OXSR1: variants seen among roughly 807,000 people sequenced by gnomAD.
OXSR1 encodes oxidative stress responsive kinase 1.
Under a neutral mutation model 79.8 loss-of-function variants are expected in OXSR1, and 24 were observed. That is an observed-to-expected ratio of 0.30 (90% CI 0.22 to 0.42). The LOEUF (loss-of-function observed/expected upper bound fraction) is 0.42, where lower values mean the gene tolerates loss of function less well. Ranked by LOEUF, OXSR1 falls within the 10% of genes least tolerant of loss-of-function variation. The pLI, the probability that OXSR1 is intolerant of heterozygous loss-of-function variation, is 1.00. For synonymous variants in OXSR1, 226 were observed against 209.2 expected (o/e 1.08, Z -0.69); for missense variants, 430 against 618.4 (o/e 0.70, Z 3.23).
chr3:38,245,753 T>C (rs1703127885), intron 12 of OXSR1, among the ~76,000 whole-genome samples: 1 of 152,154 alleles, frequency 6.6e-6, no homozygotes, highest in African/African-American at 2.4e-5. Flanking sequence ...GAGAGGACTT[T>C]TTGGGGGTGA....
At chr3:38,177,619 C>T (rs1229192703) in intron 1 of OXSR1, among the ~76,000 whole-genome samples, 1 of 152,090 alleles carries the variant, frequency 6.6e-6, no homozygotes, top group Non-Finnish European at 1.5e-5. Flanking sequence ...AGGTCTCACT[C>T]TTTCACCCAG....
Position 38,250,031 on chromosome 3 carries a change from A to C in OXSR1, c.1375+13A>C. ...ACTCCTGGGAGAGGTGAGGCATCAAATGGATTGAAAACAAAATAGCTTCCA... is the reference window on the plus strand; with the variant it reads ...ACTCCTGGGAGAGGTGAGGCATCAACTGGATTGAAAACAAAATAGCTTCCA... On this transcript the variant is annotated intron_variant, in intron 15 of 17. Coordinates refer to ENST00000311806, the MANE Select transcript of OXSR1 (RefSeq NM_005109.3). 6.5e-7 allele frequency: 1 copy of C among 1,536,582 alleles called. No homozygotes were observed. The highest frequency in any genetic ancestry group is 9.0e-7 in the Non-Finnish European group (1 of 1,111,214).
intron 16 of OXSR1, 142 bp downstream of exon 16, chr3:38,251,613 G>T: frequency 1.5e-6 from 1 of 682,024 alleles, no homozygotes; most frequent in East Asian, 2.6e-5. Flanking sequence ...ATAGGTAATG[G>T]GACAGTTCCT....
Position 38,252,913 on chromosome 3 carries a change from G to T in OXSR1, c.*22G>T. 1 of 1,600,720 alleles carries T rather than the reference G, an allele frequency of 6.2e-7. No individual in the cohort carries two copies. Among genetic ancestry groups the T allele is most frequent in the African/African-American group, 1.3e-5 (1 of 74,740 alleles). On this transcript the variant is annotated 3_prime_UTR_variant, in exon 18 of 18. Transcript: ENST00000311806. ...CTAAACCACAACCCTGGAAGAGGCG[G>T]CCTAAGGAGATTCCACACATGCGTA... is the stretch of plus-strand genomic sequence containing the variant.
At chr3:38,223,972 T>C in intron 7 of OXSR1, 59 bp downstream of exon 7, 1 of 987,242 alleles carries the variant, frequency 1.0e-6, no homozygotes, top group Non-Finnish European at 1.5e-6. Flanking sequence ...TTCAGAGCCA[T>C]TTGCCAGTCT....
At chr3:38,181,354 G>GTTTTTTTT (rs1201344941) in intron 1 of OXSR1, among the ~76,000 whole-genome samples, 1 of 128,160 alleles carries the variant, frequency 7.8e-6, no homozygotes. Flanking sequence ...TGTTTCAAAA[G>GTTTTTTTT]TTTTTTTTTT....
chr3:38,191,233 T>C (rs1701975551), intron 3 of OXSR1, among the ~76,000 whole-genome samples: 1 of 138,126 alleles, frequency 7.2e-6, no homozygotes, highest in South Asian at 2.7e-4. Flanking sequence ...TAATTTAATA[T>C]AATTTTTTTT....
chr3:38,246,731 A>C (rs756809904), intron 13 of OXSR1, among the ~76,000 whole-genome samples: 2 of 152,134 alleles, frequency 1.3e-5, no homozygotes, highest in Admixed American at 6.6e-5. Flanking sequence ...CACAAACTTT[A>C]TTAAATCATA....
intron 10 of OXSR1, among the ~76,000 whole-genome samples, chr3:38,235,390 A>C (rs1702899091): frequency 6.6e-6 from 1 of 152,220 alleles, no homozygotes. Context: ...ATAACAAAAA[A>C]GCTGAGATTA....
At chr3:38,247,807 A>C (rs1703173934) in intron 14 of OXSR1, 75 bp downstream of exon 14, 2 of 897,378 alleles carry the variant, frequency 2.2e-6, no homozygotes, top group Admixed American at 3.9e-5. Flanking sequence ...TCTGTGCCTG[A>C]GAGTAACTGG....
intron 16 of OXSR1, among the ~76,000 whole-genome samples, chr3:38,251,729 AG>A (rs988592765): frequency 6.6e-6 from 1 of 152,226 alleles, no homozygotes; most frequent in Non-Finnish European, 1.5e-5. Context: ...TTATGGCAAA[AG>A]TCACAAGTTA....
intron 4 of OXSR1, among the ~76,000 whole-genome samples, chr3:38,208,041 G>C (rs933472095): frequency 4.6e-5 from 7 of 151,132 alleles, no homozygotes; most frequent in African/African-American, 1.7e-4. Flanking sequence ...GATGAACATG[G>C]AATCAGAACT....
At chr3:38,174,923 A>G (rs1171246899) in intron 1 of OXSR1, among the ~76,000 whole-genome samples, 3 of 152,210 alleles carry the variant, frequency 2.0e-5, no homozygotes, top group Admixed American at 1.3e-4. Flanking sequence ...AGCATATGGC[A>G]GTGTCTTTAT....
At chr3:38,221,740 G>A in intron 6 of OXSR1, 53 bp downstream of exon 6, 1 of 1,070,052 alleles carries the variant, frequency 9.3e-7, no homozygotes, top group Non-Finnish European at 1.4e-6. Context: ...TTTTGAAACT[G>A]AAAAAACTTA....
At chr3:38,200,258 A>C (rs1428671383) in intron 4 of OXSR1, among the ~76,000 whole-genome samples, 1 of 152,100 alleles carries the variant, frequency 6.6e-6, no homozygotes, top group African/African-American at 2.4e-5. Context: ...AGAGAGAGAG[A>C]GAGCAGGCTT....
In OXSR1 at chr3:38,236,876, A is replaced by G. The variant is rs372927731; in HGVS notation, c.989A>G (p.Lys330Arg). The change falls in exon 11 of 18, where the codon AAG becomes AGG. Residue 330 changes from lysine to arginine, a missense_variant. Physicochemically the swap from Lys to Arg is conservative, Grantham distance 26 (BLOSUM62 2). Transcript: ENST00000311806. ...RVPGSSGRLH[K>R]TEDGGWEWSD... ...CCAGGTTCCAGTGGGCGTCTTCATA[A>G]GACAGAGGATGGAGGCTGGGAGTGG... 6 of 1,612,906 alleles carry G rather than the reference A, an allele frequency of 3.7e-6. No homozygotes were observed. Among genetic ancestry groups the G allele is most frequent in the Non-Finnish European group, 5.1e-6 (6 of 1,179,276 alleles).
At chr3:38,173,879 G>C (rs1185254646) in intron 1 of OXSR1, among the ~76,000 whole-genome samples, 2 of 152,214 alleles carry the variant, frequency 1.3e-5, no homozygotes, top group Non-Finnish European at 2.9e-5. Flanking sequence ...CAGGGAAAGG[G>C]GTTAGGGACT....
At position 38,252,355 on chromosome 3, in the gene OXSR1, A is replaced by G. The variant is rs767656231; in HGVS notation, c.1472A>G (p.Glu491Gly). The G allele has an allele frequency of 6.2e-7, 1 of 1,612,118 alleles. No individual in the cohort carries two copies. ...IVAANLQKIV[E>G]EPQSNRSVTF... ...GCAGCTAATTTGCAGAAAATTGTGG[A>G]AGAACCTCAGTCAAATCGATCTGTC... The change falls in exon 17 of 18, where the codon GAA becomes GGA. Residue 491 changes from glutamate to glycine, a missense_variant. Around this residue, in one of 3 missense-constraint regions of OXSR1, gnomAD observed 276 missense variants for 354.2 expected, o/e 0.78. Coordinates refer to ENST00000311806, the MANE Select transcript of OXSR1 (RefSeq NM_005109.3).
chr3:38,205,301 TG>T (rs2125824558), intron 4 of OXSR1, among the ~76,000 whole-genome samples: 1 of 152,342 alleles, frequency 6.6e-6, no homozygotes, highest in East Asian at 1.9e-4. Flanking sequence ...TGTAGGTAGT[TG>T]TTCAGTTTGG....
Sources: allele counts gnomAD v4.1 joint callset (sites outside exome capture counted in the v4.1 genomes callset), GRCh38; gene constraint gnomAD v4.1.1; regional missense constraint gnomAD v4.1.1; transcripts MANE v1.5; gene names NCBI Gene and HGNC (gene_info 2026-07-23, HGNC 2026-07-21).